Variants in LPP observed in about 807,000 individuals in gnomAD.
The protein encoded by LPP is LIM domain containing preferred translocation partner in lipoma, also known as lipoma-preferred partner.
Under a neutral mutation model 60.4 loss-of-function variants are expected in LPP, and 38 were observed. The observed-to-expected ratio is 0.63, with a 90% confidence interval of 0.49 to 0.83. The LOEUF (loss-of-function observed/expected upper bound fraction) is 0.83. Among genes scored for constraint, LPP ranks in the 40% least tolerant of loss-of-function variants. LPP has a pLI of 0.00. For synonymous variants in LPP, 328 were observed against 290.8 expected, an observed-to-expected ratio of 1.13 and a Z score of -1.30; for missense variants, 902 against 783.6, an observed-to-expected ratio of 1.15 and a Z score of -1.80.
At chr3:188,488,803 A>AT (rs1329775861) in intron 5 of LPP, among the ~76,000 whole-genome samples, 10 of 151,832 alleles carry the variant, frequency 6.6e-5, no homozygotes, top group South Asian at 2.1e-4. Context: ...CGCCTGGCTA[A>AT]TTTTTTTGTA....
At chr3:188,856,254 G>A (rs537536123) in intron 9 of LPP, among the ~76,000 whole-genome samples, 4 of 152,244 alleles carry the variant, frequency 2.6e-5, no homozygotes, top group Admixed American at 2.6e-4. Flanking sequence ...AGGCATTCCA[G>A]GTATGTAAAC....
chr3:188,220,532 G>C (rs531321201), intron 1 of LPP, among the ~76,000 whole-genome samples: 1 of 152,324 alleles, frequency 6.6e-6, no homozygotes, highest in African/African-American at 2.4e-5. Flanking sequence ...CTCATGTCAC[G>C]AGGTTTCAGG....
In LPP at chr3:188,395,807, G is replaced by A. The variant is rs148018510; in HGVS notation, c.-9-10305G>A. On this transcript the variant is annotated intron_variant, in intron 3 of 11. Coordinates refer to ENST00000617246, the MANE Select transcript of LPP (RefSeq NM_001375462.1). ...CACACCTATAGTCCCGACTACTTTG[G>A]AGAGGCTGAGGTGGGAGAAATACTT... is the stretch of plus-strand genomic sequence containing the variant. Among the ~76,000 whole-genome samples, 327 of 152,184 alleles carry A rather than the reference G, an allele frequency of 2.1e-3. 1 individual carries two copies. The highest frequency in any genetic ancestry group is 3.5e-3 in the Non-Finnish European group (235 of 68,008).
intron 4 of LPP, among the ~76,000 whole-genome samples, chr3:188,408,111 C>T (rs1784095431): frequency 6.6e-6 from 1 of 152,122 alleles, no homozygotes; most frequent in South Asian, 2.1e-4. Context: ...TCAATGTTTC[C>T]CTTTGTCAGC....
chr3:188,198,375 A>G (rs2149063098), intron 1 of LPP, among the ~76,000 whole-genome samples: 1 of 152,358 alleles, frequency 6.6e-6, no homozygotes, highest in African/African-American at 2.4e-5. Flanking sequence ...CCTGCTGTGT[A>G]TAAGGGCCTG....
intron 3 of LPP, among the ~76,000 whole-genome samples, chr3:188,349,417 A>C (rs140374636): frequency 6.6e-6 from 1 of 152,304 alleles, no homozygotes; most frequent in East Asian, 1.9e-4. Context: ...AGTGGTGCCA[A>C]TATGCCTTTG....
chr3:188,538,321 G>A (rs1395767561), intron 6 of LPP, among the ~76,000 whole-genome samples: 3 of 152,098 alleles, frequency 2.0e-5, no homozygotes, highest in African/African-American at 7.2e-5. Context: ...CTTATATCTG[G>A]AATATATTAA....
intron 2 of LPP, among the ~76,000 whole-genome samples, chr3:188,268,287 A>G (rs989254489): frequency 6.7e-6 from 1 of 148,588 alleles, no homozygotes; most frequent in Non-Finnish European, 1.5e-5. Context: ...AAAAACAAAA[A>G]CAAAAAAAAC....
rs1158005141 is a variant in LPP at position 188,889,102 on chromosome 3, G to GA, written c.*14627dup. ...TTTTGTCTCTCAGGCTAACATGAGA[G>GA]AAAATAGAAAAGTCTTGGCTGTGGG... On this transcript the variant is annotated 3_prime_UTR_variant, in exon 12 of 12. Transcript: ENST00000617246. The GA allele has an allele frequency of 2.6e-5, 6 of 226,528 alleles. No homozygotes were observed. The highest frequency in any genetic ancestry group is 1.1e-4 in the African/African-American group (5 of 44,980). 14.0% of individuals were successfully genotyped at this position (226,528 alleles called of 1,614,324 possible). A position where few individuals can be genotyped will look rare whatever the true frequency, so the allele number is the denominator to read the frequency against.
At chr3:188,829,007 T>G (rs891870836) in intron 9 of LPP, among the ~76,000 whole-genome samples, 3 of 152,174 alleles carry the variant, frequency 2.0e-5, no homozygotes, top group Non-Finnish European at 2.9e-5. Context: ...CCTACTAGAT[T>G]GTGATCTTTT....
chr3:188,403,069 A>G (rs576691224), intron 3 of LPP, among the ~76,000 whole-genome samples: 1 of 152,296 alleles, frequency 6.6e-6, no homozygotes, highest in East Asian at 1.9e-4. Context: ...GTAAGAGAAG[A>G]TACTGAGGAG....
At chr3:188,682,940 T>C (rs1859851991) in intron 7 of LPP, among the ~76,000 whole-genome samples, 3 of 152,120 alleles carry the variant, frequency 2.0e-5, no homozygotes, top group Non-Finnish European at 1.5e-5. Context: ...CTTTCTGTTC[T>C]CAAGCACCTC....
intron 2 of LPP, among the ~76,000 whole-genome samples, chr3:188,310,838 AT>A (rs1195427276): frequency 2.6e-5 from 4 of 152,130 alleles, no homozygotes; most frequent in Admixed American, 6.5e-5. Flanking sequence ...TGCTATTATT[AT>A]TTTTTAAAAG....
chr3:188,775,055 G>T (rs55932130), intron 9 of LPP, among the ~76,000 whole-genome samples: 12,962 of 136,578 alleles, frequency 0.095, 616 homozygotes, highest in Non-Finnish European at 0.1. Context: ...CATGCTTAGT[G>T]TTTTTTTTTT....
chr3:188,856,146 G>A (rs895345950), intron 9 of LPP, among the ~76,000 whole-genome samples: 7 of 152,098 alleles, frequency 4.6e-5, no homozygotes, highest in East Asian at 1.9e-4. Flanking sequence ...TATAACTGCC[G>A]CAAACTAGAC....
chr3:188,800,284 C>G (rs111658980), intron 9 of LPP, among the ~76,000 whole-genome samples: 2 of 122,542 alleles, frequency 1.6e-5, no homozygotes, highest in African/African-American at 6.1e-5. Context: ...CTCGCTCTGT[C>G]GCTCAGGCTG....
Position 188,887,347 on chromosome 3 carries a change from T to C in LPP, c.*12868T>C. 4.6e-6 allele frequency: 1 copy of C among 216,900 alleles called. No individual in the cohort carries two copies. Among genetic ancestry groups the C allele is most frequent in the Non-Finnish European group, 9.3e-6 (1 of 107,722 alleles). 13.4% of individuals were successfully genotyped at this position (216,900 alleles called of 1,614,324 possible). On this transcript the variant is annotated 3_prime_UTR_variant, in exon 12 of 12. Coordinates refer to ENST00000617246, the MANE Select transcript of LPP (RefSeq NM_001375462.1). Reference sequence around the variant, plus strand: ...TCTCTTTCTCTTTGGGTGACAGCAATGCTCACTTAGTAATTATAAACTGGA... The same window carrying C: ...TCTCTTTCTCTTTGGGTGACAGCAACGCTCACTTAGTAATTATAAACTGGA...
intron 9 of LPP, among the ~76,000 whole-genome samples, chr3:188,780,168 G>A (rs1054404734): frequency 3.3e-5 from 5 of 152,186 alleles, no homozygotes; most frequent in African/African-American, 9.6e-5. Context: ...GAGTTCCGAC[G>A]AGGTACAGAA....
chr3:188,428,136 A>T (rs1434934039), intron 4 of LPP, among the ~76,000 whole-genome samples: 2 of 152,128 alleles, frequency 1.3e-5, no homozygotes, highest in African/African-American at 4.8e-5. Flanking sequence ...GTCATGGCAC[A>T]GTCTCTCATG....
Sources: gnomAD v4.1 joint callset for allele counts (sites outside exome capture counted in the v4.1 genomes callset) on GRCh38, gnomAD v4.1.1 for gene constraint, MANE v1.5 for transcripts, NCBI Gene and HGNC (gene_info 2026-07-23, HGNC 2026-07-21) for gene names.